The following MROH2A variants were observed in gnomAD, a reference collection of about 807,000 sequenced individuals.
The protein encoded by MROH2A is maestro heat like repeat family member 2A, also known as maestro heat-like repeat-containing protein family member 2A.
MROH2A carries 174 observed loss-of-function variants against 200.4 expected under a neutral mutation model. The observed-to-expected ratio is 0.87, with a 90% CI of 0.77 to 0.98. MROH2A has a LOEUF of 0.98. Ranked by LOEUF, MROH2A falls within the 50% of genes least tolerant of loss-of-function variation. MROH2A has a pLI of 0.00. For missense variants in MROH2A, 2,045 were observed against 2,139.6 expected, an observed-to-expected ratio of 0.96 and a Z score of 0.87; for synonymous variants, 829 against 840.4, an observed-to-expected ratio of 0.99 and a Z score of 0.23.
chr2:233,787,914 A>ATATATATATATAT (rs1701402371), intron 3 of MROH2A, among the ~76,000 whole-genome samples: 1 of 1,282 alleles, frequency 7.8e-4, no homozygotes, highest in African/African-American at 2.1e-3. Flanking sequence ...CATATATATT[A>ATATATATATATAT]TATATATACA....
At chr2:233,792,055 C>T (rs565660925) in intron 5 of MROH2A, among the ~76,000 whole-genome samples, 12 of 152,220 alleles carry the variant, frequency 7.9e-5, no homozygotes, top group South Asian at 4.1e-4. Flanking sequence ...CAGTTCCTTG[C>T]TCTCACCTGC....
chr2:233,825,812 C>T (rs1417514033), intron 35 of MROH2A, among the ~76,000 whole-genome samples: 1 of 151,504 alleles, frequency 6.6e-6, no homozygotes, highest in Non-Finnish European at 1.5e-5. Flanking sequence ...GTTTTGGTAT[C>T]AGGATGATGC....
upstream of MROH2A, among the ~76,000 whole-genome samples, chr2:233,777,102 G>A (rs1264953004): frequency 6.6e-6 from 1 of 152,238 alleles, no homozygotes; most frequent in Non-Finnish European, 1.5e-5. Flanking sequence ...CCACGCAGGT[G>A]ACTCATACAC....
At chr2:233,778,304 A>C (rs963360252), upstream of MROH2A, 3 of 166,814 alleles carry the variant, frequency 1.8e-5, no homozygotes, top group African/African-American at 7.2e-5. Flanking sequence ...GTTCTAGTGA[A>C]ACCCTCCCAC....
At chr2:233,809,343 C>A in intron 22 of MROH2A, 65 bp downstream of exon 22, 2 of 1,502,378 alleles carry the variant, frequency 1.3e-6, no homozygotes, top group East Asian at 2.5e-5. Flanking sequence ...AGCCTTCTGG[C>A]ACTCTCTGGG....
chr2:233,810,639 G>A (rs975190799), intron 22 of MROH2A, among the ~76,000 whole-genome samples, 155 bp from the exon 23 acceptor site: 3 of 152,236 alleles, frequency 2.0e-5, no homozygotes, highest in Admixed American at 6.5e-5. Flanking sequence ...CATTCATGTG[G>A]TCGAAGGACA....
chr2:233,794,974 C>T (rs1702012228), intron 8 of MROH2A, among the ~76,000 whole-genome samples: 1 of 152,204 alleles, frequency 6.6e-6, no homozygotes, highest in African/African-American at 2.4e-5. Context: ...CAGCATCACT[C>T]CAATTTCTCC....
chr2:233,832,657 G>C lies in MROH2A; in HGVS notation c.4903+13G>C, dbSNP rs1704850203. On this transcript the variant is annotated intron_variant, in intron 41 of 41. Transcript: ENST00000389758. Reference sequence around the variant, plus strand: ...GCATTACGGAATTGTGAGTAGTGGAGAGTGTTAGATGTTGAGTCCACGACT... The same window carrying C: ...GCATTACGGAATTGTGAGTAGTGGACAGTGTTAGATGTTGAGTCCACGACT... The C allele has an allele frequency of 1.3e-6, 2 of 1,537,364 alleles. No individual in the cohort carries two copies. The highest frequency in any genetic ancestry group is 2.7e-5 in the African/African-American group (2 of 72,808).
intron 25 of MROH2A, among the ~76,000 whole-genome samples, 196 bp downstream of exon 25, chr2:233,813,974 C>T (rs913828629): frequency 6.6e-6 from 1 of 152,190 alleles, no homozygotes; most frequent in African/African-American, 2.4e-5. Context: ...GGATTAACAA[C>T]ATAAAAGTTT....
At chr2:233,787,122 G>A (rs908233246) in intron 3 of MROH2A, among the ~76,000 whole-genome samples, 1 of 152,078 alleles carries the variant, frequency 6.6e-6, no homozygotes, top group Non-Finnish European at 1.5e-5. Context: ...CTCAGTGATC[G>A]CTTTTGTTAT....
At chr2:233,800,618 C>CGT (rs1296048146) in intron 14 of MROH2A, among the ~76,000 whole-genome samples, 44 of 120,950 alleles carry the variant, frequency 3.6e-4, no homozygotes, top group African/African-American at 1.1e-3. Context: ...CTTTAAGGCC[C>CGT]GTGTGTGTGT....
chr2:233,798,743 C>T, intron 11 of MROH2A, 31 bp from the exon 12 acceptor site: 1 of 1,521,912 alleles, frequency 6.6e-7, no homozygotes, highest in Non-Finnish European at 8.9e-7. Context: ...TGAGCCACAG[C>T]CCTCCAGCCC....
chr2:233,796,217 G>T lies in MROH2A; in HGVS notation c.1156G>T (p.Glu386Ter), dbSNP rs769215802. 22 of 1,550,170 alleles carry T rather than the reference G, an allele frequency of 1.4e-5. No individual in the cohort carries two copies. The highest frequency in any genetic ancestry group is 2.4e-5 in the East Asian group (1 of 40,900). ...FVALARSYPKELMKFFFSQME... is the reference protein window; with the variant it reads ...FVALARSYPK ...CCCTGCAGCTCGCTCCTACCCCAAGGAGCTGATGAAGTTCTTCTTCAGCCA... is the reference window on the plus strand; with the variant it reads ...CCCTGCAGCTCGCTCCTACCCCAAGTAGCTGATGAAGTTCTTCTTCAGCCA... Residue 386 changes from glutamate (E) to a stop codon, truncating the protein, a stop_gained, in exon 11 of 42, where the codon GAG becomes TAG. Transcript: ENST00000389758. LOFTEE classifies it high-confidence loss of function.
intron 9 of MROH2A, 80 bp from the exon 10 acceptor site, chr2:233,795,886 GC>G: frequency 6.5e-7 from 1 of 1,530,386 alleles, no homozygotes; most frequent in Non-Finnish European, 8.8e-7. Context: ...TGCCCATGCA[GC>G]CCCAGGTATG....
rs28900438 is a variant in MROH2A, at chr2:233,803,460, C to T, written c.1721C>T (p.Ala574Val). The T allele has an allele frequency of 4.2e-4, 654 of 1,550,526 alleles. 4 individuals are homozygous for T. The African/African-American group carries it at 8.1e-3, about 19-fold the overall frequency. The change falls in exon 16 of 42, where the codon GCA (alanine) becomes GTA (valine). Residue 574 changes from alanine (A) to valine (V), a missense_variant. Transcript: ENST00000389758. ...TTCCTTCAATCAGTGGACCTGCCTG[C>T]ACCTCAGAAGCTGCTGGCCCGTCTC... ...AGKSRQVDLP[A>V]PQKLLARLLV...
rs142321197 is a variant in MROH2A, at chr2:233,793,738, G to A, written c.736G>A (p.Val246Met). The A allele has an allele frequency of 4.5e-4, 681 of 1,496,708 alleles. 3 individuals are homozygous for A. The African/African-American group carries it at 8.7e-3, about 19-fold the overall frequency. 92.7% of individuals were successfully genotyped at this position (1,496,708 alleles called of 1,614,324 possible). A position where few individuals can be genotyped will look rare whatever the true frequency, so the allele number is the denominator to read the frequency against. The change falls in exon 7 of 42, where the codon GTG becomes ATG. Residue 246 changes from valine (V) to methionine (M), a missense_variant. Around this residue, in one of 3 missense-constraint regions of MROH2A, gnomAD observed 831 missense variants for 800.0 expected, o/e 1.04. Coordinates refer to ENST00000389758, the MANE Select transcript of MROH2A (RefSeq NM_001394639.1). ...LKHLEESVYP[V>M]MTEEEFALKV... Reference sequence around the variant, plus strand: ...GCACCTGGAGGAGAGCGTGTACCCCGTGATGACTGAGGAGGAGTTTGCCCT... The same window carrying A: ...GCACCTGGAGGAGAGCGTGTACCCCATGATGACTGAGGAGGAGTTTGCCCT...
chr2:233,831,280 AC>A, intron 38 of MROH2A, 128 bp from the exon 39 acceptor site: 2 of 1,237,762 alleles, frequency 1.6e-6, no homozygotes, highest in Non-Finnish European at 2.2e-6. Context: ...CCCAGGAGCC[AC>A]CAGCCCTGCC....
rs1316946015 is a variant in MROH2A, at chr2:233,805,027, G to T, written c.1968G>T (p.Lys656Asn). ...AGTTTCTGCGAAACTCCCTCAAGAAGACCCGGGGGTCTAGCTGGAGCCTGC... is the reference window on the plus strand; with the variant it reads ...AGTTTCTGCGAAACTCCCTCAAGAATACCCGGGGGTCTAGCTGGAGCCTGC... ...LIQFLRNSLK[K>N]TRGSSWSLRL... Residue 656 changes from lysine to asparagine, a missense_variant, in exon 19 of 42, where the codon AAG becomes AAT. Lys to Asn is a moderately conservative substitution (Grantham distance 94). Coordinates refer to ENST00000389758, the MANE Select transcript of MROH2A (RefSeq NM_001394639.1). The T allele has an allele frequency of 1.3e-6, 2 of 1,550,074 alleles. No homozygotes were observed. Among genetic ancestry groups the T allele is most frequent in the South Asian group, 1.2e-5 (1 of 84,018 alleles).
At chr2:233,817,660 T>C (rs1488961823) in intron 27 of MROH2A, among the ~76,000 whole-genome samples, 1 of 152,240 alleles carries the variant, frequency 6.6e-6, no homozygotes, top group Admixed American at 6.5e-5. Flanking sequence ...GTACCCTGCC[T>C]GGACTGCTCA....
Sources: gnomAD v4.1 joint callset for allele counts (sites outside exome capture counted in the v4.1 genomes callset) on GRCh38, gnomAD v4.1.1 for gene constraint, gnomAD v4.1.1 regional missense constraint, MANE v1.5 for transcripts, NCBI Gene and HGNC (gene_info 2026-07-23, HGNC 2026-07-21) for gene names.